Variants in NRXN3 observed in about 807,000 individuals in gnomAD.
NRXN3 encodes the protein neurexin 3, also known as neurexin III.
NRXN3 carries 32 observed loss-of-function variants against 137.6 expected under a neutral mutation model. That is an observed-to-expected ratio of 0.23 (90% CI 0.18 to 0.31). The LOEUF is 0.31. Ranked by LOEUF, NRXN3 falls within the 10% of genes least tolerant of loss-of-function variation. NRXN3 has a pLI of 1.00. For synonymous variants in NRXN3, 798 were observed against 784.5 expected (o/e 1.02, Z -0.29); for missense variants, 1,574 against 2,062.5 (o/e 0.76, Z 4.59).
intron 15 of NRXN3, among the ~76,000 whole-genome samples, chr14:79,066,553 T>C (rs1023824062): frequency 1.3e-5 from 2 of 152,202 alleles, no homozygotes; most frequent in Non-Finnish European, 2.9e-5. Flanking sequence ...GGGAATAGCA[T>C]TGAATCTATA....
At chr14:79,801,919 G>T (rs1754591011) in intron 19 of NRXN3, among the ~76,000 whole-genome samples, 1 of 151,718 alleles carries the variant, frequency 6.6e-6, no homozygotes, top group Non-Finnish European at 1.5e-5. Flanking sequence ...GAAGGGGTGG[G>T]AGAGTGGGGC....
intron 19 of NRXN3, among the ~76,000 whole-genome samples, chr14:79,746,812 TAAAG>T (rs144484926): frequency 6.6e-6 from 1 of 151,886 alleles, no homozygotes. Flanking sequence ...AGTTACTTCT[TAAAG>T]AACCCCTAAA....
At chr14:79,338,868 G>A (rs2092435824) in intron 15 of NRXN3, among the ~76,000 whole-genome samples, 1 of 152,176 alleles carries the variant, frequency 6.6e-6, no homozygotes, top group Non-Finnish European at 1.5e-5. Flanking sequence ...TATTTGACAT[G>A]TTTCTTCTCA....
At position 78,926,662 on chromosome 14, in the gene NRXN3, TTA is replaced by T. The variant is rs1184774901; in HGVS notation, c.2276-30571_2276-30570del. Among the ~76,000 whole-genome samples, 388 of 96,616 alleles carry T rather than the reference TTA, an allele frequency of 4.0e-3. 4 individuals are homozygous for T. Among genetic ancestry groups the T allele is most frequent in the African/African-American group, 0.014 (356 of 26,148 alleles). 63.4% of individuals were successfully genotyped at this position (96,616 alleles called of 152,430 possible). A position where few individuals can be genotyped will look rare whatever the true frequency, so the allele number is the denominator to read the frequency against. ...TATTTATATATAATATATATATTTA[TTA>T]TATATATAATTATATATTATGTAAT... On this transcript the variant is annotated intron_variant, in intron 10 of 20. Coordinates refer to ENST00000335750, the MANE Select transcript of NRXN3 (RefSeq NM_001330195.2).
Position 78,574,346 on chromosome 14 carries a change from G to A in NRXN3, c.758-70774G>A, listed in dbSNP as rs114411252. 7.0e-3 allele frequency among the ~76,000 whole-genome samples: 1,063 copies of A among 152,316 alleles called. 20 individuals carry two copies. Among genetic ancestry groups the A allele is most frequent in the African/African-American group, 0.024 (1,017 of 41,568 alleles). On this transcript the variant is annotated intron_variant, in intron 4 of 20. Coordinates refer to ENST00000335750, the MANE Select transcript of NRXN3 (RefSeq NM_001330195.2). ...ACTAGCATCCTCCAGACTTCAGAAT[G>A]GTAGATTCTCTAATAGGTTACACCA...
At chr14:79,791,459 T>A (rs1386865385) in intron 19 of NRXN3, among the ~76,000 whole-genome samples, 2 of 146,854 alleles carry the variant, frequency 1.4e-5, no homozygotes, top group Admixed American at 6.8e-5. Context: ...AATAAATAAT[T>A]ATAATAATAA....
intron 4 of NRXN3, among the ~76,000 whole-genome samples, chr14:78,522,761 T>C (rs1287214723): frequency 6.6e-6 from 1 of 152,152 alleles, no homozygotes; most frequent in Admixed American, 6.5e-5. Context: ...TCTGCTAGAG[T>C]CATCAGGGAA....
intron 15 of NRXN3, among the ~76,000 whole-genome samples, chr14:79,233,908 G>T (rs1531625): frequency 0.019 from 2,951 of 151,846 alleles, 102 homozygotes; most frequent in African/African-American, 0.068. Context: ...AGTCTAAACT[G>T]GTTACTATTT....
At chr14:79,796,869 A>C (rs2099162556) in intron 19 of NRXN3, among the ~76,000 whole-genome samples, 1 of 152,192 alleles carries the variant, frequency 6.6e-6, no homozygotes, top group Admixed American at 6.5e-5. Context: ...AGTGACAATG[A>C]ATAATTACTG....
At chr14:79,224,257 T>C (rs1273432126) in intron 15 of NRXN3, among the ~76,000 whole-genome samples, 2 of 152,210 alleles carry the variant, frequency 1.3e-5, no homozygotes, top group Admixed American at 1.3e-4. Flanking sequence ...CTAACTGTGC[T>C]GTTTTGGACA....
intron 8 of NRXN3, among the ~76,000 whole-genome samples, chr14:78,750,374 G>A (rs1006308595): frequency 1.1e-4 from 17 of 152,278 alleles, no homozygotes; most frequent in Admixed American, 3.9e-4. Flanking sequence ...GGAGGAAGTC[G>A]CAAACGTAGG....
intron 16 of NRXN3, among the ~76,000 whole-genome samples, chr14:79,520,602 C>T (rs905320485): frequency 1.3e-5 from 2 of 152,164 alleles, no homozygotes; most frequent in Non-Finnish European, 2.9e-5. Flanking sequence ...ATCCATGTCC[C>T]TGCAAAGGAC....
chr14:79,667,860 G>A (rs963704758), intron 17 of NRXN3, among the ~76,000 whole-genome samples: 1 of 152,004 alleles, frequency 6.6e-6, no homozygotes, highest in Non-Finnish European at 1.5e-5. Flanking sequence ...TAGGCCCCCT[G>A]GAAGGCTGAG....
intron 20 of NRXN3, among the ~76,000 whole-genome samples, chr14:79,852,555 A>G (rs1410704565): frequency 6.6e-6 from 1 of 152,112 alleles, no homozygotes; most frequent in Non-Finnish European, 1.5e-5. Context: ...TTAAATGTCT[A>G]CTTACGACGT....
chr14:78,565,359 G>A (rs1353179149), intron 4 of NRXN3, among the ~76,000 whole-genome samples: 1 of 152,174 alleles, frequency 6.6e-6, no homozygotes, highest in Non-Finnish European at 1.5e-5. Flanking sequence ...TAAAACTGAA[G>A]GTTCAGGTAG....
intron 4 of NRXN3, among the ~76,000 whole-genome samples, chr14:78,455,632 C>A (rs1451393873): frequency 6.6e-6 from 1 of 152,146 alleles, no homozygotes; most frequent in African/African-American, 2.4e-5. Context: ...ATTTACCAAG[C>A]ACCTTTAGAA....
At chr14:79,671,037 C>G (rs955393859) in intron 17 of NRXN3, among the ~76,000 whole-genome samples, 1 of 152,176 alleles carries the variant, frequency 6.6e-6, no homozygotes, top group Admixed American at 6.5e-5. Context: ...CATTCACCGT[C>G]TCTCAGCCAA....
chr14:78,724,799 T>C (rs1392096119), intron 8 of NRXN3, among the ~76,000 whole-genome samples: 2 of 152,188 alleles, frequency 1.3e-5, no homozygotes, highest in Non-Finnish European at 2.9e-5. Flanking sequence ...GAGATGTATA[T>C]ATTTCTCTTC....
chr14:78,549,828 A>G (rs1456517044), intron 4 of NRXN3, among the ~76,000 whole-genome samples: 1 of 151,756 alleles, frequency 6.6e-6, no homozygotes, highest in Non-Finnish European at 1.5e-5. Flanking sequence ...TCCAGTATTC[A>G]TTTCTTCCTT....
Sources: gnomAD v4.1 joint callset for allele counts (sites outside exome capture counted in the v4.1 genomes callset) on GRCh38, gnomAD v4.1.1 for gene constraint, MANE v1.5 for transcripts, NCBI Gene and HGNC (gene_info 2026-07-23, HGNC 2026-07-21) for gene names.